Variants in FUT8 observed in about 807,000 individuals in gnomAD.
FUT8 encodes fucosyltransferase 8, also known as alpha-(1,6)-fucosyltransferase.
In FUT8, 29 loss-of-function variants were observed where a neutral mutation model predicts 71.3. That is an observed-to-expected ratio of 0.41 (90% confidence interval 0.30 to 0.55). The LOEUF (loss-of-function observed/expected upper bound fraction) is 0.55. Ranked by LOEUF, FUT8 falls within the 20% of genes least tolerant of loss-of-function variation. The pLI, the probability that FUT8 is intolerant of heterozygous loss-of-function variation, is 0.34. For synonymous variants in FUT8, 254 were observed against 239.3 expected (o/e 1.06, Z -0.57); for missense variants, 544 against 702.1 (o/e 0.77, Z 2.55).
intron 2 of FUT8, among the ~76,000 whole-genome samples, chr14:65,526,049 G>T (rs548460441): frequency 2.6e-5 from 4 of 152,276 alleles, no homozygotes; most frequent in Non-Finnish European, 5.9e-5. Flanking sequence ...TTGATTTGGG[G>T]TGGGGAGTTC....
chr14:65,644,446 G>A (rs1434251584), intron 6 of FUT8, among the ~76,000 whole-genome samples: 1 of 150,900 alleles, frequency 6.6e-6, no homozygotes, highest in African/African-American at 2.4e-5. Context: ...GCCCACCACC[G>A]CCTCCCGGGT....
the FUT8 span, among the ~76,000 whole-genome samples, chr14:65,373,216 C>T: frequency 7.2e-5 from 11 of 151,800 alleles, no homozygotes; most frequent in African/African-American, 2.7e-4. Context: ...GGTGGAGTCC[C>T]TGGCGAGGGC....
intron 3 of FUT8, among the ~76,000 whole-genome samples, chr14:65,570,958 A>G (rs1413111718): frequency 6.6e-6 from 1 of 152,094 alleles, no homozygotes; most frequent in Non-Finnish European, 1.5e-5. Flanking sequence ...AAATAAGGCA[A>G]ATGCTGAGCT....
At chr14:65,437,031 A>G (rs1200629660) in intron 1 of FUT8, among the ~76,000 whole-genome samples, 1 of 152,262 alleles carries the variant, frequency 6.6e-6, no homozygotes, top group Non-Finnish European at 1.5e-5. Context: ...CATTTACTGC[A>G]TGAGTGACCT....
At chr14:65,408,162 T>C (rs760615978), upstream of FUT8, among the ~76,000 whole-genome samples, 7 of 152,146 alleles carry the variant, frequency 4.6e-5, no homozygotes, top group Non-Finnish European at 1.0e-4. Flanking sequence ...CAGATGAAAA[T>C]GGGAGGCAGG....
At chr14:65,442,369 G>C (rs150252910) in intron 1 of FUT8, among the ~76,000 whole-genome samples, 1 of 151,748 alleles carries the variant, frequency 6.6e-6, no homozygotes, top group Non-Finnish European at 1.5e-5. Flanking sequence ...TTTTAGTAGA[G>C]ACATGTCGGC....
chr14:65,554,447 T>TA (rs1306744547), intron 2 of FUT8, among the ~76,000 whole-genome samples: 2 of 124,234 alleles, frequency 1.6e-5, no homozygotes, highest in African/African-American at 6.0e-5. Flanking sequence ...ATATATATAT[T>TA]TATATCTATA....
intron 3 of FUT8, among the ~76,000 whole-genome samples, chr14:65,576,665 A>G (rs1886789651): frequency 7.3e-6 from 1 of 136,098 alleles, no homozygotes; most frequent in African/African-American, 2.8e-5. Context: ...AGTAGCTGGG[A>G]ACACAGGTGT....
At chr14:65,363,344 A>G in the FUT8 span, among the ~76,000 whole-genome samples, 5 of 21,682 alleles carry the variant, frequency 2.3e-4, no homozygotes, top group Non-Finnish European at 3.3e-4. Flanking sequence ...CTGGTCTCGA[A>G]CTCTGACCTC....
chr14:65,405,004 C>T, the FUT8 span, among the ~76,000 whole-genome samples: 40 of 152,108 alleles, frequency 2.6e-4, no homozygotes, highest in African/African-American at 8.0e-4. Flanking sequence ...CCAGGATTGG[C>T]GTGGAGGCTT....
rs570296866 is a variant in FUT8 at position 65,627,626 on chromosome 14, C to G, written c.483-1866C>G. On this transcript the variant is annotated intron_variant, in intron 5 of 10. Coordinates refer to ENST00000673929, the MANE Select transcript of FUT8 (RefSeq NM_001371533.1). The surrounding 1 kb of genome is among the most constrained non-coding windows in gnomAD (Gnocchi z 4.0). ...AGGGATCGCATATGCAGTGTGTTTA[C>G]TGAAGTTGTGCACATGCTCATTTGA... is the stretch of plus-strand genomic sequence containing the variant. Among the ~76,000 whole-genome samples the G allele has an allele frequency of 2.5e-4, 38 of 152,336 alleles. No individual in the cohort carries two copies. The highest frequency in any genetic ancestry group is 2.5e-3 in the Admixed American group (38 of 15,302).
At chr14:65,521,610 C>T (rs1257784591) in intron 2 of FUT8, among the ~76,000 whole-genome samples, 1 of 152,190 alleles carries the variant, frequency 6.6e-6, no homozygotes, top group African/African-American at 2.4e-5. Context: ...CAGACAAGAT[C>T]AAAAGCCCTG....
At chr14:65,728,910 C>T (rs1049374304) in intron 9 of FUT8, among the ~76,000 whole-genome samples, 7 of 152,016 alleles carry the variant, frequency 4.6e-5, no homozygotes, top group African/African-American at 1.5e-4. Context: ...TTTCTCAGAA[C>T]ATATCCTCGT....
chr14:65,551,778 G>A (rs1885299381), intron 2 of FUT8, among the ~76,000 whole-genome samples: 1 of 152,040 alleles, frequency 6.6e-6, no homozygotes, highest in South Asian at 2.1e-4. Flanking sequence ...ATATTTTTGG[G>A]GAGTTATGAT....
At chr14:65,667,426 G>A (rs1892271704) in intron 6 of FUT8, among the ~76,000 whole-genome samples, 1 of 151,988 alleles carries the variant, frequency 6.6e-6, no homozygotes, top group Non-Finnish European at 1.5e-5. Context: ...AGTCAAAATT[G>A]CCACAAAAAG....
chr14:65,494,911 G>A lies in FUT8; in HGVS notation c.-228+39193G>A, dbSNP rs141407506. ...GGTTTCTGCTGATTGAGGCTTTGTTGTATAGTTAGAAGGACTTCCAAGAGA... is the reference window on the plus strand; with the variant it reads ...GGTTTCTGCTGATTGAGGCTTTGTTATATAGTTAGAAGGACTTCCAAGAGA... On this transcript the variant is annotated intron_variant, in intron 2 of 10. Transcript: ENST00000673929. Among the ~76,000 whole-genome samples, 431 of 152,162 alleles carry A rather than the reference G, an allele frequency of 2.8e-3. 2 individuals are homozygous for A. The highest frequency in any genetic ancestry group is 9.9e-3 in the African/African-American group (410 of 41,512).
chr14:65,375,386 G>A, the FUT8 span, among the ~76,000 whole-genome samples: 1 of 152,122 alleles, frequency 6.6e-6, no homozygotes, highest in African/African-American at 2.4e-5. Flanking sequence ...TTGGAAGGCT[G>A]AGGAGGGAGG....
At position 65,617,208 on chromosome 14, in the gene FUT8, T is replaced by G. The variant is rs748466355; in HGVS notation, c.482+835T>G. 2.6e-6 allele frequency: 4 copies of G among 1,517,794 alleles called. No individual in the cohort carries two copies. The African/African-American group carries it at 5.8e-5, about 22-fold the overall frequency. 94.0% of individuals were successfully genotyped at this position (1,517,794 alleles called of 1,614,324 possible). A position where few individuals can be genotyped will look rare whatever the true frequency, so the allele number is the denominator to read the frequency against. ...CCCATACAAGTAAGAGATTTCATATTTATTAACATCAGCAGCAATATTATA... is the reference window on the plus strand; with the variant it reads ...CCCATACAAGTAAGAGATTTCATATGTATTAACATCAGCAGCAATATTATA... On this transcript the variant is annotated intron_variant, in intron 5 of 10. Coordinates refer to ENST00000673929, the MANE Select transcript of FUT8 (RefSeq NM_001371533.1).
intron 7 of FUT8, among the ~76,000 whole-genome samples, chr14:65,705,389 A>G (rs771723948): frequency 2.6e-5 from 4 of 152,222 alleles, no homozygotes; most frequent in Non-Finnish European, 2.9e-5. Context: ...ATCCCAAAGA[A>G]TAGACCTTAC....
Sources: gnomAD v4.1 joint callset for allele counts (sites outside exome capture counted in the v4.1 genomes callset) on GRCh38, gnomAD v4.1.1 for gene constraint, Gnocchi (gnomAD v3.1) non-coding constraint, MANE v1.5 for transcripts, NCBI Gene and HGNC (gene_info 2026-07-23, HGNC 2026-07-21) for gene names.